Variants in SATB1 observed in about 807,000 individuals in gnomAD.
The protein encoded by SATB1 is DNA-binding protein SATB1.
In SATB1, 11 loss-of-function variants were observed where a neutral mutation model predicts 86.9. That is an observed-to-expected ratio of 0.13 (90% CI 0.08 to 0.21). The LOEUF (loss-of-function observed/expected upper bound fraction) is 0.21, where lower values mean the gene tolerates loss of function less well. SATB1 is among the 10% of genes least tolerant of loss of function. The pLI, the probability that SATB1 is intolerant of heterozygous loss-of-function variation, is 1.00. For synonymous variants in SATB1, 357 were observed against 357.2 expected (o/e 1.00, Z 0.01); for missense variants, 551 against 937.6 (o/e 0.59, Z 5.39).
intron 2 of SATB1, chr3:18,434,987 C>T (rs1360028935): frequency 1.3e-5 from 2 of 152,100 alleles, no homozygotes; most frequent in African/African-American, 2.4e-5. Flanking sequence ...CACTAGCCGA[C>T]CACAATTTTC....
At chr3:18,370,317 C>A (rs189775935) in intron 9 of SATB1, among the ~76,000 whole-genome samples, 1 of 152,052 alleles carries the variant, frequency 6.6e-6, no homozygotes, top group East Asian at 1.9e-4. Context: ...TTCTATCCAA[C>A]CTGTGTATTC....
chr3:18,428,687 CAT>C (rs1156971922), upstream of SATB1, among the ~76,000 whole-genome samples: 2 of 152,190 alleles, frequency 1.3e-5, no homozygotes, highest in Non-Finnish European at 2.9e-5. Context: ...AACTATTTAA[CAT>C]GTGGATGCAC....
intron 6 of SATB1, among the ~76,000 whole-genome samples, chr3:18,396,710 T>C (rs1212650542): frequency 6.6e-6 from 1 of 152,072 alleles, no homozygotes; most frequent in Non-Finnish European, 1.5e-5. Flanking sequence ...CGGCTGGGGG[T>C]TAGAGCTATA....
At chr3:18,367,882 C>A (rs1695265528) in intron 9 of SATB1, among the ~76,000 whole-genome samples, 1 of 152,182 alleles carries the variant, frequency 6.6e-6, no homozygotes, top group Non-Finnish European at 1.5e-5. Context: ...ATTTAGGACT[C>A]CTTTTAATGG....
At chr3:18,397,422 C>A in intron 5 of SATB1, 132 bp from the exon 6 acceptor site, 1 of 603,194 alleles carries the variant, frequency 1.7e-6, no homozygotes, top group East Asian at 2.8e-5. Context: ...CACACTTTAG[C>A]CTAAAGCTTC....
At chr3:18,397,640 T>C (rs1259148267) in intron 5 of SATB1, among the ~76,000 whole-genome samples, 1 of 152,206 alleles carries the variant, frequency 6.6e-6, no homozygotes, top group Admixed American at 6.5e-5. Context: ...TTGTGACTCA[T>C]AAATATACGA....
At chr3:18,433,706 G>A (rs1698965748) in intron 2 of SATB1, among the ~76,000 whole-genome samples, 1 of 151,988 alleles carries the variant, frequency 6.6e-6, no homozygotes, top group South Asian at 2.1e-4. Flanking sequence ...ATGTGTAAAA[G>A]CATTAAATAA....
At chr3:18,369,171 A>G (rs1258451541) in intron 9 of SATB1, among the ~76,000 whole-genome samples, 1 of 128,284 alleles carries the variant, frequency 7.8e-6, no homozygotes, top group East Asian at 2.3e-4. Context: ...TTAAAAAAAA[A>G]AAAAAGAAAG....
upstream of SATB1, among the ~76,000 whole-genome samples, chr3:18,426,559 G>A (rs1698710464): frequency 6.6e-6 from 1 of 152,100 alleles, no homozygotes; most frequent in Non-Finnish European, 1.5e-5. This position sits in a 1 kb window ranked among gnomAD's most constrained non-coding sequence, Gnocchi z 4.2. Context: ...ATTAAATATA[G>A]TTCATGTAAA....
At position 18,415,137 on chromosome 3, in the gene SATB1, A is replaced by G. The variant is rs755590159; in HGVS notation, c.613T>C (p.Leu205=). 7 of 1,612,994 alleles carry G rather than the reference A, an allele frequency of 4.3e-6. No homozygotes were observed. In the South Asian group the frequency reaches 6.6e-5, roughly 15 times the overall value. The change falls in exon 5 of 11, where the codon TTG becomes CTG. Residue 205 remains leucine, a synonymous_variant. Transcript: ENST00000338745. The part of the protein sequence containing the change: ...DLLKDMNQSS[L]AKECPLSQSM... The stretch of plus-strand genomic sequence containing the variant: ...TGTGAAAGGGGGCACTCCTTGGCCA[A>G]TGAACTCTGATTCATATCTTTCAGT...
intron 1 of SATB1, chr3:18,421,371 G>A (rs1322638847): frequency 5.9e-6 from 1 of 169,888 alleles, no homozygotes; most frequent in African/African-American, 2.4e-5. Flanking sequence ...ACAAAATACA[G>A]CAGAAACACT....
chr3:18,411,904 T>C (rs923309287), intron 5 of SATB1, among the ~76,000 whole-genome samples: 1 of 152,098 alleles, frequency 6.6e-6, no homozygotes. Context: ...AGCCCACTTA[T>C]GGAATTTCTG....
chr3:18,382,750 C>T (rs143829601), intron 8 of SATB1, among the ~76,000 whole-genome samples: 1 of 152,214 alleles, frequency 6.6e-6, no homozygotes, highest in Non-Finnish European at 1.5e-5. Context: ...AATGCTTTAG[C>T]ACATGCTCCT....
Position 18,345,431 on chromosome 3 carries a change from G to GTA in SATB1, c.*3737_*3738dup. 6.6e-6 allele frequency: 1 copy of GTA among 152,078 alleles called. No homozygotes were observed. The highest frequency in any genetic ancestry group is 2.1e-4 in the South Asian group (1 of 4,812). 9.4% of individuals were successfully genotyped at this position (152,078 alleles called of 1,614,324 possible). On this transcript the variant is annotated 3_prime_UTR_variant, in exon 11 of 11. Coordinates refer to ENST00000338745, the MANE Select transcript of SATB1 (RefSeq NM_002971.6). The stretch of plus-strand genomic sequence containing the variant: ...TTTAACATTTGGTATTGTTAAACAG[G>GTA]TATAGTATTCAGGACATACACCTTC...
At chr3:18,366,914 T>A in intron 9 of SATB1, among the ~76,000 whole-genome samples, 1 of 152,226 alleles carries the variant, frequency 6.6e-6, no homozygotes, top group Non-Finnish European at 1.5e-5. Context: ...TCTTACCTTT[T>A]GTTTCCCAGA....
intron 5 of SATB1, among the ~76,000 whole-genome samples, chr3:18,399,289 A>G (rs1167921547): frequency 1.3e-5 from 2 of 152,186 alleles, no homozygotes; most frequent in African/African-American, 4.8e-5. Flanking sequence ...GTAAGGATGC[A>G]AAGATGGCAG....
At chr3:18,417,618 T>C (rs1465399993) in intron 2 of SATB1, 32 of 680,340 alleles carry the variant, frequency 4.7e-5, no homozygotes, top group Admixed American at 1.4e-4. Flanking sequence ...AATCATTTTC[T>C]TCCTTTTTTA....
At chr3:18,437,768 C>T (rs770017452) in intron 1 of SATB1, among the ~76,000 whole-genome samples, 8 of 152,086 alleles carry the variant, frequency 5.3e-5, no homozygotes, top group South Asian at 2.1e-4. Context: ...TTAAACAGTA[C>T]ATCTAAGTAT....
chr3:18,398,806 G>T (rs943089317), intron 5 of SATB1, among the ~76,000 whole-genome samples: 4 of 151,912 alleles, frequency 2.6e-5, no homozygotes, highest in African/African-American at 9.7e-5. Flanking sequence ...ATGATGCTCT[G>T]CCATTAATCC....
Sources: allele counts gnomAD v4.1 joint callset (sites outside exome capture counted in the v4.1 genomes callset), GRCh38; gene constraint gnomAD v4.1.1; non-coding constraint Gnocchi (gnomAD v3.1); transcripts MANE v1.5; gene names NCBI Gene and HGNC (gene_info 2026-07-23, HGNC 2026-07-21).